Variants in TMEM74 observed in about 807,000 individuals in gnomAD.
TMEM74 encodes transmembrane protein 74.
A neutral mutation model predicts 18.1 loss-of-function variants in TMEM74; 13 were observed. That is an observed-to-expected ratio of 0.72 (90% confidence interval 0.47 to 1.14). The LOEUF (loss-of-function observed/expected upper bound fraction) is 1.14, where lower values mean the gene tolerates loss of function less well. Ranked by LOEUF, TMEM74 falls within the 50% of genes most tolerant of loss-of-function variation. The probability of loss-of-function intolerance (pLI) is 0.00; values close to 1 mark genes in which losing one functional copy is unlikely to be tolerated. For synonymous variants in TMEM74, 159 were observed against 146.6 expected, an observed-to-expected ratio of 1.08 and a Z score of -0.61; for missense variants, 372 against 375.9, an observed-to-expected ratio of 0.99 and a Z score of 0.09.
At chr8:108,760,595 C>G (rs868702889) in intron 1 of TMEM74, among the ~76,000 whole-genome samples, 1 of 151,912 alleles carries the variant, frequency 6.6e-6, no homozygotes, top group Non-Finnish European at 1.5e-5. Flanking sequence ...CCAAGGAGAG[C>G]TTCAGGAAGC....
chr8:108,784,247 G>A lies in TMEM74; in HGVS notation c.852C>T (p.Thr284=), dbSNP rs1361419940. The change falls in exon 2 of 2, where the codon ACC becomes ACT. Residue 284 remains threonine, a synonymous_variant. Coordinates refer to ENST00000297459, the MANE Select transcript of TMEM74 (RefSeq NM_153015.3). The part of the protein sequence containing the change: ...LYGSFNFRMK[T]STNENTLELS... ...GTTCCAGAGTGTTTTCATTCGTGCT[G>A]GTTTTCATCCTGAAGTTGAAAGAAC... 6 of 1,614,146 alleles carry A rather than the reference G, an allele frequency of 3.7e-6. No individual in the cohort carries two copies. The East Asian group carries it at 1.3e-4, about 36-fold the overall frequency.
At chr8:108,683,937 C>A (rs942239147) in intron 1 of TMEM74, among the ~76,000 whole-genome samples, 1 of 151,978 alleles carries the variant, frequency 6.6e-6, no homozygotes, top group Non-Finnish European at 1.5e-5. Flanking sequence ...GAATTTCATT[C>A]TTTTTTATGT....
At chr8:108,771,578 G>A (rs918885604) in intron 1 of TMEM74, among the ~76,000 whole-genome samples, 16 of 152,046 alleles carry the variant, frequency 1.1e-4, no homozygotes, top group Admixed American at 8.5e-4. Context: ...GAGAGAAAGC[G>A]CTGCTGCATC....
intron 1 of TMEM74, among the ~76,000 whole-genome samples, chr8:108,710,559 G>C (rs72673049): frequency 0.15 from 22,849 of 152,196 alleles, 2,000 homozygotes; most frequent in East Asian, 0.3. Context: ...ACACTTAGGG[G>C]GCCGTAGGCA....
intron 1 of TMEM74, among the ~76,000 whole-genome samples, chr8:108,658,079 C>A (rs1812863674): frequency 6.6e-6 from 1 of 151,008 alleles, no homozygotes; most frequent in Non-Finnish European, 1.5e-5. Flanking sequence ...AACAAGCTGA[C>A]CAGCTTGTGA....
chr8:108,633,108 T>G (rs1812573107), intron 2 of TMEM74, among the ~76,000 whole-genome samples: 2 of 152,144 alleles, frequency 1.3e-5, no homozygotes, highest in African/African-American at 4.8e-5. Context: ...TGGTTGTTTC[T>G]GTGAAAAATC....
intron 1 of TMEM74, among the ~76,000 whole-genome samples, chr8:108,767,212 C>T (rs1348669425): frequency 7.2e-5 from 11 of 152,130 alleles, no homozygotes; most frequent in Non-Finnish European, 1.3e-4. Context: ...ATGTCAAAAA[C>T]CTAAACACTC....
intron 1 of TMEM74, among the ~76,000 whole-genome samples, chr8:108,716,317 G>T (rs1813522491): frequency 6.6e-6 from 1 of 152,114 alleles, no homozygotes; most frequent in Admixed American, 6.5e-5. Flanking sequence ...ATTAGAAATT[G>T]ATTTTAAAAT....
Position 108,684,434 on chromosome 8 carries a change from A to AT in TMEM74, n.120-28998dup, listed in dbSNP as rs34687318. 8.3e-3 allele frequency among the ~76,000 whole-genome samples: 1,199 copies of AT among 144,850 alleles called. 24 individuals are homozygous for AT. Among genetic ancestry groups the AT allele is most frequent in the African/African-American group, 0.027 (1,059 of 39,720 alleles). ...AAATATCTCTTCAGATTTTTTGCCC[A>AT]TTTTTTTTTTCCTTTTGAGATGTTT... On this transcript the variant is annotated intron_variant and non_coding_transcript_variant, in intron 1 of 3. Coordinates refer to the TMEM74 transcript ENST00000518838.
chr8:108,675,617 C>T (rs771091569), intron 1 of TMEM74, among the ~76,000 whole-genome samples: 4 of 152,174 alleles, frequency 2.6e-5, no homozygotes, highest in Non-Finnish European at 5.9e-5. Flanking sequence ...ATTCTGTTTT[C>T]AGAGCACAAG....
chr8:108,657,343 G>C (rs1322147155), intron 1 of TMEM74, among the ~76,000 whole-genome samples: 1 of 151,892 alleles, frequency 6.6e-6, no homozygotes, highest in African/African-American at 2.4e-5. Flanking sequence ...AAGCAGGAGA[G>C]GTAAATGTGA....
chr8:108,677,082 C>T (rs140324123), intron 1 of TMEM74, among the ~76,000 whole-genome samples: 75 of 152,302 alleles, frequency 4.9e-4, no homozygotes, highest in Admixed American at 3.1e-3. Context: ...AATACGTCAT[C>T]GTAAATCTCT....
At chr8:108,652,559 C>T (rs1232545545) in intron 2 of TMEM74, 4 of 571,040 alleles carry the variant, frequency 7.0e-6, no homozygotes, top group African/African-American at 1.9e-5. Context: ...ATTTGGTTTT[C>T]TGGGTATCAT....
chr8:108,785,566 G>A (rs1047499050), intron 1 of TMEM74, among the ~76,000 whole-genome samples: 7 of 152,196 alleles, frequency 4.6e-5, no homozygotes, highest in African/African-American at 9.7e-5. Context: ...GGGAAGCATA[G>A]ACTTGTTAAT....
chr8:108,743,453 T>G (rs374685855), intron 1 of TMEM74, among the ~76,000 whole-genome samples: 48 of 152,300 alleles, frequency 3.2e-4, no homozygotes, highest in African/African-American at 1.2e-3. Flanking sequence ...GGTGGAAGAA[T>G]TTGATTTTAT....
At position 108,784,174 on chromosome 8, in the gene TMEM74, A is replaced by C; in HGVS notation, c.*7T>G. ...AAGGCAGACTCTCAAGATATTCACA[A>C]CCAGAATTAACTCTGTACAGCAAGC... On this transcript the variant is annotated 3_prime_UTR_variant, in exon 2 of 2. Transcript: ENST00000297459. The C allele has an allele frequency of 6.4e-7, 1 of 1,555,816 alleles. No individual in the cohort carries two copies. Among genetic ancestry groups the C allele is most frequent in the South Asian group, 1.2e-5 (1 of 82,856 alleles).
chr8:108,617,157 A>G (rs1812392395), intron 2 of TMEM74, among the ~76,000 whole-genome samples: 1 of 151,914 alleles, frequency 6.6e-6, no homozygotes, highest in Admixed American at 6.6e-5. Context: ...ACTGAGGAGT[A>G]TCATTGCGAA....
chr8:108,753,354 CTTA>C (rs1813922444), intron 1 of TMEM74, among the ~76,000 whole-genome samples: 2 of 151,874 alleles, frequency 1.3e-5, no homozygotes, highest in Non-Finnish European at 2.9e-5. Flanking sequence ...AGGTATTTTT[CTTA>C]TTATGCCTGG....
chr8:108,635,718 G>A (rs887248814), intron 2 of TMEM74, among the ~76,000 whole-genome samples: 1 of 151,976 alleles, frequency 6.6e-6, no homozygotes, highest in Non-Finnish European at 1.5e-5. Flanking sequence ...TTTTCATGAA[G>A]ATTTCTCTGA....
Sources: allele counts gnomAD v4.1 joint callset (sites outside exome capture counted in the v4.1 genomes callset), GRCh38; gene constraint gnomAD v4.1.1; transcripts MANE v1.5; gene names NCBI Gene and HGNC (gene_info 2026-07-23, HGNC 2026-07-21).